SERF2: variants seen among roughly 807,000 people sequenced by gnomAD.
The protein encoded by SERF2 is gastric cancer-related protein VRG107.
SERF2 carries 4 observed loss-of-function variants against 10.7 expected under a neutral mutation model. That is an observed-to-expected ratio of 0.37 (90% confidence interval 0.18 to 0.86). The LOEUF is 0.86. SERF2 is among the 40% of genes least tolerant of loss of function. The pLI is 0.43. For synonymous variants in SERF2, 26 were observed against 26.0 expected (o/e 1.00, Z 0.01); for missense variants, 47 against 79.1 (o/e 0.59, Z 1.54).
At chr15:43,777,236 T>C in exon 1 of SERF2, 2 of 498,210 alleles carry the variant, frequency 4.0e-6, no homozygotes, top group South Asian at 3.2e-5. Flanking sequence ...TCCCCAGTCC[T>C]GCCTTAGTTT....
chr15:43,782,913 C>T (rs187418748), intron 1 of SERF2, among the ~76,000 whole-genome samples: 72 of 151,314 alleles, frequency 4.8e-4, no homozygotes, highest in African/African-American at 1.7e-3. Context: ...GGCGTGATCT[C>T]GGCTCACTGC....
chr15:43,793,137 G>A (rs1189825152), intron 2 of SERF2, 54 bp downstream of exon 2: 10 of 1,141,370 alleles, frequency 8.8e-6, no homozygotes, highest in Admixed American at 7.7e-5. Flanking sequence ...TTAGACCAAG[G>A]GTTATAGAAG....
chr15:43,793,113 G>C (rs2141680993), intron 2 of SERF2, 30 bp downstream of exon 2: 1 of 1,437,170 alleles, frequency 7.0e-7, no homozygotes, highest in Non-Finnish European at 9.8e-7. Flanking sequence ...GGAAAGGGAC[G>C]GTGGAGACCT....
At chr15:43,783,765 A>C (rs2141669453) in intron 1 of SERF2, among the ~76,000 whole-genome samples, 1 of 150,228 alleles carries the variant, frequency 6.7e-6, no homozygotes, top group Admixed American at 6.6e-5. Context: ...ATATCTGGCT[A>C]ATTTTTTTTT....
At position 43,794,797 on chromosome 15, in the gene SERF2, G is replaced by C. The variant is rs1202906379; in HGVS notation, c.*1024G>C. 1.8e-6 allele frequency: 1 copy of C among 546,114 alleles called. No individual in the cohort carries two copies. The highest frequency in any genetic ancestry group is 3.3e-6 in the Non-Finnish European group (1 of 306,806). 33.8% of individuals were successfully genotyped at this position (546,114 alleles called of 1,614,324 possible). On this transcript the variant is annotated 3_prime_UTR_variant, in exon 3 of 3. Coordinates refer to ENST00000249786, the MANE Select transcript of SERF2 (RefSeq NM_001018108.4). ...TAGGCTCTTGAGCTGGGATGCAGAT[G>C]TAACAGTAGCTCCAGTGAGTCAGAC...
chr15:43,792,054 C>T (rs1379560480), upstream of SERF2: 1 of 503,870 alleles, frequency 2.0e-6, no homozygotes, highest in Non-Finnish European at 3.6e-6. Context: ...GCGGGAGCGC[C>T]ACATCGCCAG....
intron 1 of SERF2, among the ~76,000 whole-genome samples, chr15:43,782,079 G>C (rs1264485905): frequency 6.6e-6 from 1 of 151,930 alleles, no homozygotes; most frequent in East Asian, 1.9e-4. Flanking sequence ...AGTAGAGATG[G>C]GGTTTCACCA....
chr15:43,788,924 C>T (rs1217366090), upstream of SERF2, among the ~76,000 whole-genome samples: 1 of 151,796 alleles, frequency 6.6e-6, no homozygotes, highest in Non-Finnish European at 1.5e-5. Flanking sequence ...CTGAGGTGGG[C>T]GGATCACAAG....
intron 2 of SERF2, among the ~76,000 whole-genome samples, chr15:43,786,732 A>C (rs1339917560): frequency 6.6e-6 from 1 of 152,192 alleles, no homozygotes; most frequent in Non-Finnish European, 1.5e-5. Flanking sequence ...CAGCATGACC[A>C]AGAACCAAGA....
intron 1 of SERF2, among the ~76,000 whole-genome samples, chr15:43,783,086 C>T (rs1486676684): frequency 1.3e-5 from 2 of 150,572 alleles, no homozygotes; most frequent in Admixed American, 1.3e-4. Flanking sequence ...CAGCTCACTG[C>T]AATCTCCACC....
At chr15:43,781,052 G>T (rs1340761714) in intron 1 of SERF2, among the ~76,000 whole-genome samples, 1 of 152,020 alleles carries the variant, frequency 6.6e-6, no homozygotes, top group Non-Finnish European at 1.5e-5. Flanking sequence ...CTTGCATTTT[G>T]GGCTCATTAT....
Position 43,795,557 on chromosome 15 carries a change from G to A in SERF2, c.*1784G>A. On this transcript the variant is annotated 3_prime_UTR_variant, in exon 3 of 3. Coordinates refer to ENST00000249786, the MANE Select transcript of SERF2 (RefSeq NM_001018108.4). ...CCCCTTTGCCCTGGAGAGAGGAAAT[G>A]GCTGCTGGGAGCAGAGCTGCTGAAA... 6.2e-7 allele frequency: 1 copy of A among 1,614,064 alleles called. No individual in the cohort carries two copies. The highest frequency in any genetic ancestry group is 8.5e-7 in the Non-Finnish European group (1 of 1,179,980).
chr15:43,786,434 AG>A (rs2087008308), intron 2 of SERF2, among the ~76,000 whole-genome samples: 1 of 150,800 alleles, frequency 6.6e-6, no homozygotes. Context: ...AAAAAAAAAA[AG>A]CTGGTTGACG....
At chr15:43,793,624 T>A in intron 2 of SERF2, 86 bp from the exon 3 acceptor site, 1 of 1,611,778 alleles carries the variant, frequency 6.2e-7, no homozygotes, top group Non-Finnish European at 8.5e-7. Flanking sequence ...TCCACTTCCA[T>A]CTTATCCTTT....
intron 1 of SERF2, among the ~76,000 whole-genome samples, chr15:43,779,922 T>G (rs2086951404): frequency 6.6e-6 from 1 of 152,228 alleles, no homozygotes; most frequent in Non-Finnish European, 1.5e-5. Context: ...AACAGATATT[T>G]TCATTTTACA....
intron 1 of SERF2, 48 bp downstream of exon 1, chr15:43,792,431 T>C (rs758635647): frequency 2.5e-6 from 4 of 1,613,794 alleles, no homozygotes; most frequent in Non-Finnish European, 3.4e-6. Context: ...CCGTTCACCC[T>C]AAACACCACC....
Position 43,793,156 on chromosome 15 carries a change from G to A in SERF2, c.116+73G>A, listed in dbSNP as rs1283684342. On this transcript the variant is annotated intron_variant, in intron 2 of 2. Coordinates refer to ENST00000249786, the MANE Select transcript of SERF2 (RefSeq NM_001018108.4). The stretch of plus-strand genomic sequence containing the variant: ...ACCAAGGGTTATAGAAGGAAAGAGA[G>A]CTACCTCAGGGCTTGAATGTGGACT... 1.1e-5 allele frequency: 10 copies of A among 927,000 alleles called. No individual in the cohort carries two copies. In the East Asian group the frequency reaches 2.1e-4, roughly 19 times the overall value. 57.4% of individuals were successfully genotyped at this position (927,000 alleles called of 1,614,324 possible).
upstream of SERF2, chr15:43,792,004 C>G (rs2087068698): frequency 7.9e-6 from 3 of 380,726 alleles, no homozygotes; most frequent in African/African-American, 6.1e-5. Flanking sequence ...CCAAACTGTC[C>G]CCGCATGAGG....
At chr15:43,790,357 T>C (rs2087044716), upstream of SERF2, among the ~76,000 whole-genome samples, 1 of 151,716 alleles carries the variant, frequency 6.6e-6, no homozygotes, top group African/African-American at 2.4e-5. Flanking sequence ...TAAATACATA[T>C]ATGGATATTA....
Sources: allele counts gnomAD v4.1 joint callset (sites outside exome capture counted in the v4.1 genomes callset), GRCh38; gene constraint gnomAD v4.1.1; transcripts MANE v1.5; gene names NCBI Gene and HGNC (gene_info 2026-07-23, HGNC 2026-07-21).